The following WIPF2 variants were observed in gnomAD, a reference collection of about 807,000 sequenced individuals.
The protein encoded by WIPF2 is WAS/WASL-interacting protein family member 2.
Under a neutral mutation model 38.8 loss-of-function variants are expected in WIPF2, and 23 were observed. The observed-to-expected ratio is 0.59, with a 90% CI of 0.43 to 0.84. The LOEUF is 0.84. WIPF2 is among the 40% of genes least tolerant of loss of function. The probability of loss-of-function intolerance (pLI) is 0.00; values close to 1 mark genes in which losing one functional copy is unlikely to be tolerated. For synonymous variants in WIPF2, 210 were observed against 223.2 expected (o/e 0.94, Z 0.53); for missense variants, 574 against 580.5 (o/e 0.99, Z 0.11).
intron 1 of WIPF2, among the ~76,000 whole-genome samples, chr17:40,229,433 A>G (rs1255670157): frequency 7.2e-6 from 1 of 138,650 alleles, no homozygotes. Flanking sequence ...TTATTTATTT[A>G]TTTGTTTTAG....
At chr17:40,266,134 A>C (rs1318103777) in intron 5 of WIPF2, among the ~76,000 whole-genome samples, 1 of 150,720 alleles carries the variant, frequency 6.6e-6, no homozygotes, top group African/African-American at 2.4e-5. Context: ...GAGGCCTAGG[A>C]GGCTGAGGCA....
rs180734263 is a variant in WIPF2 at position 40,275,111 on chromosome 17, C to T, written c.1180+1112C>T. Among the ~76,000 whole-genome samples, 356 of 151,386 alleles carry T rather than the reference C, an allele frequency of 2.4e-3. 7 individuals are homozygous for T. Among genetic ancestry groups the T allele is most frequent in the Non-Finnish European group, 4.7e-4 (32 of 67,868 alleles). ...AAAAAATTAACTGGGCATGATGGCA[C>T]GCAGCCATAATCCCAGCTACTCAGA... On this transcript the variant is annotated intron_variant, in intron 6 of 7. Transcript: ENST00000323571.
rs781590128 is a variant in WIPF2, at chr17:40,277,085, G to A, written c.1183G>A (p.Asp395Asn). 2 of 1,610,326 alleles carry A rather than the reference G, an allele frequency of 1.2e-6. No homozygotes were observed. ...SITTVRSFLD[D>N]FESKYSFHPV... is the part of the protein sequence containing the mutation. ...TTAATGTTCTATTCTTTTCGCAGAT[G>A]ATTTTGAGTCAAAGTATTCCTTCCA... Residue 395 changes from aspartate to asparagine, a missense_variant and splice_region_variant, in exon 7 of 8, where the codon GAT becomes AAT. Asp to Asn is a conservative substitution (Grantham distance 23). Transcript: ENST00000323571.
chr17:40,256,322 C>T, intron 1 of WIPF2, 69 bp from the exon 2 acceptor site: 1 of 1,288,776 alleles, frequency 7.8e-7, no homozygotes, highest in Non-Finnish European at 1.1e-6. Context: ...ATGCCCAGTT[C>T]TCTCATTCTC....
chr17:40,273,216 G>A (rs1226961409), intron 5 of WIPF2, among the ~76,000 whole-genome samples: 1 of 151,902 alleles, frequency 6.6e-6, no homozygotes, highest in African/African-American at 2.4e-5. Context: ...TGTATTTTTA[G>A]TAGAGATGGA....
intron 3 of WIPF2, among the ~76,000 whole-genome samples, chr17:40,261,309 T>A (rs1392061505): frequency 6.6e-6 from 1 of 151,826 alleles, no homozygotes; most frequent in Admixed American, 6.6e-5. Flanking sequence ...TTTTTTTTTT[T>A]AAAGACTGAG....
chr17:40,231,954 G>A (rs1246913536), intron 1 of WIPF2, among the ~76,000 whole-genome samples: 1 of 125,774 alleles, frequency 8.0e-6, no homozygotes. Flanking sequence ...TTTTTTTTTA[G>A]CAGTTAGTGG....
chr17:40,268,656 C>T (rs774069681), intron 5 of WIPF2, among the ~76,000 whole-genome samples: 10 of 151,964 alleles, frequency 6.6e-5, no homozygotes, highest in Non-Finnish European at 1.0e-4. Context: ...GACTCAAACT[C>T]TTGGGCTCAA....
rs563001330 is a variant in WIPF2, at chr17:40,281,824, G to A, written c.*3599G>A. On this transcript the variant is annotated 3_prime_UTR_variant, in exon 8 of 8. Coordinates refer to ENST00000323571, the MANE Select transcript of WIPF2 (RefSeq NM_133264.5). ...TTCCATTTTGTGAAGCTCTGGGGGT[G>A]GAGTGTGGGCATCTGAGGCCCTATG... The A allele has an allele frequency of 6.5e-6, 1 of 152,674 alleles. No individual in the cohort carries two copies. Among genetic ancestry groups the A allele is most frequent in the Admixed American group, 6.5e-5 (1 of 15,282 alleles). 9.5% of individuals were successfully genotyped at this position (152,674 alleles called of 1,614,324 possible).
intron 1 of WIPF2, among the ~76,000 whole-genome samples, chr17:40,254,705 T>A (rs994222836): frequency 6.6e-6 from 1 of 152,126 alleles, no homozygotes; most frequent in African/African-American, 2.4e-5. Context: ...ACAGCCTGTT[T>A]TTGTATGGCC....
At position 40,234,452 on chromosome 17, in the gene WIPF2, C is replaced by CA. The variant is rs768983330; in HGVS notation, c.-70+14968dup. 1.1e-3 allele frequency among the ~76,000 whole-genome samples: 165 copies of CA among 150,712 alleles called. 1 individual carries two copies. The highest frequency in any genetic ancestry group is 3.6e-3 in the African/African-American group (147 of 41,080). ...GTCTCAAAACAAACAAACAAACAAA[C>CA]AAAAAAAACAACCGGAAATTATCTA... On this transcript the variant is annotated intron_variant, in intron 1 of 7. Transcript: ENST00000323571.
intron 2 of WIPF2, among the ~76,000 whole-genome samples, chr17:40,260,179 C>CTTTTTTTTTT (rs34757828): frequency 9.9e-6 from 1 of 101,048 alleles, no homozygotes; most frequent in African/African-American, 3.8e-5. Context: ...ATAAAGGGAA[C>CTTTTTTTTTT]TTTTTTTTTT....
In WIPF2 at chr17:40,273,984, G is replaced by T; in HGVS notation, c.1165G>T (p.Val389Phe). 1.3e-6 allele frequency: 2 copies of T among 1,555,534 alleles called. No individual in the cohort carries two copies. Among genetic ancestry groups the T allele is most frequent in the Non-Finnish European group, 1.7e-6 (2 of 1,151,858 alleles). Residue 389 changes from valine (V) to phenylalanine (F), a missense_variant, in exon 6 of 8, where the codon GTC becomes TTC. Physicochemically the swap from Val to Phe is conservative, Grantham distance 50 (BLOSUM62 -1). Transcript: ENST00000323571. ...RNGHRDSITT[V>F]RSFLDDFESK... is the part of the protein sequence containing the mutation. ...TGGCCACAGAGATTCTATCACCACT[G>T]TCCGGTCTTTCTTGGGTGAGTAGCT...
At chr17:40,265,451 T>G (rs955923314) in intron 5 of WIPF2, among the ~76,000 whole-genome samples, 2 of 151,066 alleles carry the variant, frequency 1.3e-5, no homozygotes, top group African/African-American at 2.4e-5. Context: ...ATTGGAGGAG[T>G]GGGGAGAGAG....
chr17:40,255,628 A>ATTTT (rs1174598826), intron 1 of WIPF2, among the ~76,000 whole-genome samples: 1 of 129,378 alleles, frequency 7.7e-6, no homozygotes. Flanking sequence ...CCCGGCCTAA[A>ATTTT]TTTTTTTTTT....
chr17:40,278,070 C>T (rs2032460653), intron 7 of WIPF2, 115 bp from the exon 8 acceptor site: 1 of 1,237,112 alleles, frequency 8.1e-7, no homozygotes, highest in African/African-American at 1.5e-5. Context: ...ACACGTAGTC[C>T]CCAGATTTTA....
intron 5 of WIPF2, 21 bp downstream of exon 5, chr17:40,265,167 T>G: frequency 1.3e-6 from 2 of 1,571,492 alleles, no homozygotes; most frequent in Non-Finnish European, 1.7e-6. Context: ...GGAAGCACCT[T>G]TTTCCCTATC....
At position 40,260,628 on chromosome 17, in the gene WIPF2, G is replaced by C; in HGVS notation, c.157G>C (p.Val53Leu). The change falls in exon 3 of 8, where the codon GTG (valine) becomes CTG (leucine). Residue 53 changes from valine to leucine, a missense_variant. Physicochemically the swap from Val to Leu is conservative, Grantham distance 32 (BLOSUM62 1). Transcript: ENST00000323571. ...TTGCAAAGGGACCAAGCTGAAGAAG[G>C]TGACCAACATTAATGATCGGAGTGC... is the stretch of plus-strand genomic sequence containing the variant. ...DICKGTKLKK[V>L]TNINDRSAPI... 4 of 1,613,846 alleles carry C rather than the reference G, an allele frequency of 2.5e-6. No individual in the cohort carries two copies. Among genetic ancestry groups the C allele is most frequent in the Non-Finnish European group, 3.4e-6 (4 of 1,179,984 alleles).
intron 5 of WIPF2, among the ~76,000 whole-genome samples, chr17:40,268,816 G>T (rs977566420): frequency 2.0e-5 from 3 of 152,152 alleles, no homozygotes; most frequent in African/African-American, 7.2e-5. Flanking sequence ...TCGATTTGTT[G>T]TGTGACATTG....
Sources: gnomAD v4.1 joint callset for allele counts (sites outside exome capture counted in the v4.1 genomes callset) on GRCh38, gnomAD v4.1.1 for gene constraint, MANE v1.5 for transcripts, NCBI Gene and HGNC (gene_info 2026-07-23, HGNC 2026-07-21) for gene names.